The following TEAD1 variants were observed in gnomAD, a reference collection of about 807,000 sequenced individuals.
TEAD1 encodes TEA domain transcription factor 1.
In TEAD1, 9 loss-of-function variants were observed where a neutral mutation model predicts 54.9. The ratio of observed to expected loss-of-function variants is 0.16; its 90% CI spans 0.10 to 0.29. TEAD1 has a LOEUF of 0.29. Among genes scored for constraint, TEAD1 ranks in the 10% least tolerant of loss-of-function variants. TEAD1 has a pLI of 1.00. For synonymous variants in TEAD1, 200 were observed against 187.8 expected, an observed-to-expected ratio of 1.07 and a Z score of -0.53; for missense variants, 387 against 535.9, an observed-to-expected ratio of 0.72 and a Z score of 2.74.
At chr11:12,836,998 T>TA (rs1383134702) in intron 3 of TEAD1, among the ~76,000 whole-genome samples, 1 of 152,210 alleles carries the variant, frequency 6.6e-6, no homozygotes, top group Non-Finnish European at 1.5e-5. Flanking sequence ...GCAAGTTGAT[T>TA]AATGATGCAC....
intron 3 of TEAD1, among the ~76,000 whole-genome samples, chr11:12,800,397 G>C (rs370353587): frequency 6.6e-6 from 1 of 152,216 alleles, no homozygotes; most frequent in Non-Finnish European, 1.5e-5. Flanking sequence ...AGGTACTGTG[G>C]TAGGTGCTCT....
At chr11:12,777,068 C>G (rs1210826958) in intron 3 of TEAD1, among the ~76,000 whole-genome samples, 2 of 151,994 alleles carry the variant, frequency 1.3e-5, no homozygotes, top group African/African-American at 4.8e-5. Flanking sequence ...GCTAGGATTA[C>G]AGGCGTGAAC....
intron 2 of TEAD1, among the ~76,000 whole-genome samples, chr11:12,711,545 C>G (rs1486432320): frequency 2.6e-5 from 4 of 152,186 alleles, no homozygotes; most frequent in Non-Finnish European, 5.9e-5. Flanking sequence ...GGCCTGAAGA[C>G]AAGGCCAAGT....
chr11:12,755,562 T>G (rs1944967725), intron 2 of TEAD1, among the ~76,000 whole-genome samples: 1 of 152,208 alleles, frequency 6.6e-6, no homozygotes, highest in African/African-American at 2.4e-5. Flanking sequence ...GGAAAAGGCT[T>G]ATGAGTTTTC....
chr11:12,814,066 G>T (rs1180724163), intron 3 of TEAD1, among the ~76,000 whole-genome samples: 1 of 152,194 alleles, frequency 6.6e-6, no homozygotes, highest in Non-Finnish European at 1.5e-5. Context: ...TGGGAGCCGT[G>T]TCTCATTCCC....
intron 3 of TEAD1, among the ~76,000 whole-genome samples, chr11:12,854,172 T>C (rs1947327115): frequency 6.6e-6 from 1 of 152,166 alleles, no homozygotes; most frequent in Admixed American, 6.5e-5. Context: ...AACTTCCTCG[T>C]TGGATATGCT....
chr11:12,696,004 A>AGT (rs1169665091), intron 2 of TEAD1, among the ~76,000 whole-genome samples: 3 of 152,214 alleles, frequency 2.0e-5, no homozygotes, highest in African/African-American at 7.2e-5. Context: ...ATAGCAACAA[A>AGT]GTGGTTTTTT....
chr11:12,857,402 CT>C (rs2134060704), intron 3 of TEAD1, among the ~76,000 whole-genome samples: 1 of 152,232 alleles, frequency 6.6e-6, no homozygotes, highest in South Asian at 2.1e-4. Context: ...TGTAGAGAAG[CT>C]TTATATCTCT....
intron 9 of TEAD1, among the ~76,000 whole-genome samples, chr11:12,891,266 G>A (rs1025750075): frequency 6.6e-6 from 1 of 152,186 alleles, no homozygotes; most frequent in African/African-American, 2.4e-5. Flanking sequence ...ATATGAATAT[G>A]TATTCTCCCA....
chr11:12,879,989 A>G lies in TEAD1; in HGVS notation c.465+147A>G, dbSNP rs939983328. 2.2e-5 allele frequency: 27 copies of G among 1,213,642 alleles called. No homozygotes were observed. The Admixed American group carries it at 4.9e-4, about 22-fold the overall frequency. The allele number at this position is 1,213,642 out of a possible 1,614,324, so 75.2% of individuals were successfully genotyped here. ...ACCTTGTCAACTGATAACTGAGTCT[A>G]AAGTGGTGAAAGTAAGGAGGGAAGG... is the stretch of plus-strand genomic sequence containing the variant. On this transcript the variant is annotated intron_variant, in intron 6 of 12. Transcript: ENST00000527636.
rs899971856 is a variant in TEAD1, at chr11:12,866,569, T to TA, written c.330+1678dup. Among the ~76,000 whole-genome samples the TA allele has an allele frequency of 3.0e-4, 45 of 151,780 alleles. 2 individuals carry two copies. The highest frequency in any genetic ancestry group is 1.9e-3 in the South Asian group (9 of 4,796). On this transcript the variant is annotated intron_variant, in intron 5 of 12. Coordinates refer to ENST00000527636, the MANE Select transcript of TEAD1 (RefSeq NM_021961.6). ...ACACAGCGGTATTTATGTTTGTTTC[T>TA]AAAAAAAAATTAACAATAATAAAAA...
chr11:12,675,184 A>T, intron 1 of TEAD1, among the ~76,000 whole-genome samples: 1 of 150,670 alleles, frequency 6.6e-6, no homozygotes, highest in East Asian at 2.0e-4. Flanking sequence ...GGCGCCTTGG[A>T]CGGGGTGCGC....
intron 2 of TEAD1, among the ~76,000 whole-genome samples, chr11:12,748,222 A>G (rs1221661077): frequency 6.6e-6 from 1 of 152,172 alleles, no homozygotes; most frequent in Admixed American, 6.5e-5. Flanking sequence ...TCTGCCTCCC[A>G]AAGTGCTGGG....
chr11:12,902,089 T>C lies in TEAD1; in HGVS notation c.849T>C (p.Asn283=). The C allele has an allele frequency of 6.2e-7, 1 of 1,614,230 alleles. No individual in the cohort carries two copies. The highest frequency in any genetic ancestry group is 8.5e-7 in the Non-Finnish European group (1 of 1,180,028). ...AACTGTTTGGAAAGGGCCCTCAAAATGCCTTCTTCCTCGTAAAATTCTGGG... is the reference window on the plus strand; with the variant it reads ...AACTGTTTGGAAAGGGCCCTCAAAACGCCTTCTTCCTCGTAAAATTCTGGG... The change falls in exon 10 of 13, where the codon AAT becomes AAC. Residue 283 remains asparagine, a synonymous_variant. Coordinates refer to ENST00000527636, the MANE Select transcript of TEAD1 (RefSeq NM_021961.6).
In TEAD1 at chr11:12,764,347, A is replaced by G. The variant is rs1206858254; in HGVS notation, c.115A>G (p.Ile39Val). 1.2e-6 allele frequency: 2 copies of G among 1,614,096 alleles called. No individual in the cohort carries two copies. The highest frequency in any genetic ancestry group is 1.7e-6 in the Non-Finnish European group (2 of 1,180,042). Residue 39 changes from isoleucine to valine, a missense_variant, in exon 3 of 13, where the codon ATC becomes GTC. Ile to Val is a conservative substitution (Grantham distance 29). This residue lies in a region of TEAD1 where 55 missense variants were observed against 50.4 expected (regional missense o/e 1.09). Coordinates refer to ENST00000527636, the MANE Select transcript of TEAD1 (RefSeq NM_021961.6). Reference sequence around the variant, plus strand: ...TGCAGAAGGGGTCTGGAGCCCCGACATCGAGCAAAGCTTTCAGGAGGCCCT... The same window carrying G: ...TGCAGAAGGGGTCTGGAGCCCCGACGTCGAGCAAAGCTTTCAGGAGGCCCT...
At chr11:12,898,440 G>A (rs1283280116) in intron 9 of TEAD1, among the ~76,000 whole-genome samples, 1 of 151,368 alleles carries the variant, frequency 6.6e-6, no homozygotes, top group Non-Finnish European at 1.5e-5. Flanking sequence ...TGATGCTCAG[G>A]CTGGAGTGCA....
At chr11:12,761,814 A>AT (rs1945108826) in intron 2 of TEAD1, among the ~76,000 whole-genome samples, 1 of 152,180 alleles carries the variant, frequency 6.6e-6, no homozygotes, top group Non-Finnish European at 1.5e-5. Flanking sequence ...CGCCTGATAA[A>AT]TGGAAGCATT....
At chr11:12,744,480 C>T (rs543734217) in intron 2 of TEAD1, among the ~76,000 whole-genome samples, 3 of 152,270 alleles carry the variant, frequency 2.0e-5, no homozygotes, top group East Asian at 1.9e-4. Flanking sequence ...CTATTTCTGA[C>T]TGTGAAATGT....
Position 12,738,691 on chromosome 11 carries a change from A to C in TEAD1, c.-54-25488A>C, listed in dbSNP as rs767497765. Among the ~76,000 whole-genome samples, 5 of 152,130 alleles carry C rather than the reference A, an allele frequency of 3.3e-5. 1 individual carries two copies. Among genetic ancestry groups the C allele is most frequent in the Admixed American group, 1.3e-4 (2 of 15,268 alleles). ...TTTTCCTTTCAGTTTCAGATGAAAA[A>C]ATCTTTGAATTTTCTGTATTTACTT... On this transcript the variant is annotated intron_variant, in intron 2 of 12. Transcript: ENST00000527636.
Sources: allele counts gnomAD v4.1 joint callset (sites outside exome capture counted in the v4.1 genomes callset), GRCh38; gene constraint gnomAD v4.1.1; regional missense constraint gnomAD v4.1.1; transcripts MANE v1.5; gene names NCBI Gene and HGNC (gene_info 2026-07-23, HGNC 2026-07-21).